Variants in SDK1 observed in about 807,000 individuals in gnomAD.
SDK1 encodes the protein protein sidekick-1.
SDK1 carries 157 observed loss-of-function variants against 245.5 expected under a neutral mutation model. The ratio of observed to expected loss-of-function variants is 0.64; its 90% CI spans 0.56 to 0.73. SDK1 has a LOEUF of 0.73. Ranked by LOEUF, SDK1 falls within the 30% of genes least tolerant of loss-of-function variation. The pLI, the probability that SDK1 is intolerant of heterozygous loss-of-function variation, is 0.00. For missense variants in SDK1, 3,583 were observed against 3,002.3 expected, an observed-to-expected ratio of 1.19 and a Z score of -4.52; for synonymous variants, 1,647 against 1,278.5, an observed-to-expected ratio of 1.29 and a Z score of -6.15.
chr7:3,605,205 C>T (rs949899071), intron 1 of SDK1, among the ~76,000 whole-genome samples: 4 of 150,578 alleles, frequency 2.7e-5, no homozygotes, highest in African/African-American at 7.4e-5. Flanking sequence ...TGTTTTCCAC[C>T]TTGTGGTTTT....
At chr7:3,611,221 G>T (rs74701931) in intron 1 of SDK1, among the ~76,000 whole-genome samples, 6,045 of 152,222 alleles carry the variant, frequency 0.04, 347 homozygotes, top group African/African-American at 0.12. Context: ...GAAGTATTTA[G>T]AAATATTTAT....
chr7:3,375,695 C>T lies in SDK1; in HGVS notation c.298+73811C>T, dbSNP rs574867593. 1.3e-4 allele frequency among the ~76,000 whole-genome samples: 20 copies of T among 152,254 alleles called. No individual in the cohort carries two copies. The East Asian group carries it at 2.7e-3, about 21-fold the overall frequency. On this transcript the variant is annotated intron_variant, in intron 1 of 44. Coordinates refer to ENST00000404826, the MANE Select transcript of SDK1 (RefSeq NM_152744.4). ...GAGAGGAACTGAGGCCTTGGTCAAC[C>T]GCCACCATCAACTTGCCTGCCATGT...
intron 5 of SDK1, among the ~76,000 whole-genome samples, chr7:3,931,725 C>A (rs964595239): frequency 1.3e-5 from 2 of 152,080 alleles, no homozygotes; most frequent in Non-Finnish European, 2.9e-5. Flanking sequence ...TAGTTTTTTT[C>A]TCTTTCCCTC....
chr7:3,823,955 T>G (rs1279462816), intron 5 of SDK1, among the ~76,000 whole-genome samples: 2 of 146,978 alleles, frequency 1.4e-5, no homozygotes, highest in South Asian at 2.1e-4. Flanking sequence ...TTTTTGTGTT[T>G]TTTTTTTTTG....
At chr7:4,037,155 C>T (rs542070782) in intron 17 of SDK1, among the ~76,000 whole-genome samples, 9 of 152,294 alleles carry the variant, frequency 5.9e-5, no homozygotes, top group African/African-American at 2.2e-4. Flanking sequence ...GAAATTTAAA[C>T]GTTTCTGCTT....
At chr7:3,905,010 T>A (rs1037571337) in intron 5 of SDK1, among the ~76,000 whole-genome samples, 21 of 147,696 alleles carry the variant, frequency 1.4e-4, no homozygotes, top group Non-Finnish European at 2.4e-4. Context: ...AAAAAAAAAA[T>A]AATAATAATA....
chr7:3,321,560 A>G (rs1369786661), intron 1 of SDK1, among the ~76,000 whole-genome samples: 1 of 152,184 alleles, frequency 6.6e-6, no homozygotes, highest in Non-Finnish European at 1.5e-5. Flanking sequence ...TTTCCCCAAC[A>G]GTTAAAGACA....
intron 2 of SDK1, among the ~76,000 whole-genome samples, chr7:3,628,130 A>C (rs1468164140): frequency 3.3e-5 from 5 of 152,132 alleles, no homozygotes; most frequent in African/African-American, 1.2e-4. Flanking sequence ...TTCCGGATCA[A>C]GTTGACTCAT....
intron 32 of SDK1, among the ~76,000 whole-genome samples, chr7:4,173,776 C>A (rs993064914): frequency 6.6e-6 from 1 of 152,102 alleles, no homozygotes. Flanking sequence ...GTGAGGGGTA[C>A]AGTACGGCAG....
chr7:3,664,305 C>G (rs530174091), intron 4 of SDK1, among the ~76,000 whole-genome samples: 4 of 152,102 alleles, frequency 2.6e-5, no homozygotes, highest in African/African-American at 9.7e-5. Flanking sequence ...TGTTAATTAC[C>G]CCACAACTCA....
At chr7:3,897,049 A>G (rs1171766234) in intron 5 of SDK1, among the ~76,000 whole-genome samples, 1 of 152,024 alleles carries the variant, frequency 6.6e-6, no homozygotes, top group Non-Finnish European at 1.5e-5. Context: ...TTACCAAACA[A>G]CCAGATTTCG....
At chr7:3,974,812 C>T (rs1464762688) in intron 13 of SDK1, 3 of 383,996 alleles carry the variant, frequency 7.8e-6, no homozygotes, top group African/African-American at 6.2e-5. Flanking sequence ...CATATTTTTC[C>T]CGTGGACACC....
intron 22 of SDK1, among the ~76,000 whole-genome samples, chr7:4,102,954 T>TAAAAAAAAAAAAAAAAAAAA: frequency 8.8e-6 from 1 of 113,240 alleles, no homozygotes; most frequent in African/African-American, 3.0e-5. Context: ...TAAAAAAAGT[T>TAAAAAAAAAAAAAAAAAAAA]AAAAAAAAAA....
intron 28 of SDK1, among the ~76,000 whole-genome samples, chr7:4,134,444 G>A (rs1044317325): frequency 2.0e-5 from 3 of 152,202 alleles, no homozygotes; most frequent in Non-Finnish European, 2.9e-5. Flanking sequence ...CAGCTGTGGC[G>A]AGGAGATTTG....
intron 4 of SDK1, among the ~76,000 whole-genome samples, chr7:3,789,282 G>T (rs1378413749): frequency 6.6e-6 from 1 of 152,098 alleles, no homozygotes; most frequent in East Asian, 1.9e-4. Context: ...CAAGTAGCTG[G>T]GATTCCAGGC....
chr7:4,025,504 C>T (rs988724020), intron 17 of SDK1, among the ~76,000 whole-genome samples: 5 of 152,110 alleles, frequency 3.3e-5, no homozygotes, highest in Non-Finnish European at 5.9e-5. Context: ...CTTCACCTGC[C>T]GCTAGAGGAC....
intron 39 of SDK1, among the ~76,000 whole-genome samples, chr7:4,220,518 T>G (rs1302138613): frequency 1.3e-5 from 2 of 150,854 alleles, no homozygotes; most frequent in African/African-American, 2.5e-5. Flanking sequence ...TTTAGTTGTT[T>G]TTTTTTTTTT....
At chr7:3,908,483 G>T (rs559647769) in intron 5 of SDK1, among the ~76,000 whole-genome samples, 1 of 152,256 alleles carries the variant, frequency 6.6e-6, no homozygotes, top group African/African-American at 2.4e-5. Flanking sequence ...CTGCGTCCAG[G>T]ATTGCTGGGT....
chr7:3,449,195 TA>T (rs1780438260), intron 1 of SDK1, among the ~76,000 whole-genome samples: 1 of 152,212 alleles, frequency 6.6e-6, no homozygotes, highest in African/African-American at 2.4e-5. Context: ...GTTTTGGGGC[TA>T]GGGGTGCCTC....
Sources: allele counts gnomAD v4.1 joint callset (sites outside exome capture counted in the v4.1 genomes callset), GRCh38; gene constraint gnomAD v4.1.1; transcripts MANE v1.5; gene names NCBI Gene and HGNC (gene_info 2026-07-23, HGNC 2026-07-21).